Variants in USP24 observed in about 807,000 individuals in gnomAD.
The protein encoded by USP24 is ubiquitin specific peptidase 24, also known as ubiquitin carboxyl-terminal hydrolase 24.
USP24 carries 97 observed loss-of-function variants against 361.6 expected under a neutral mutation model. That is an observed-to-expected ratio of 0.27 (90% CI 0.23 to 0.32). The LOEUF (loss-of-function observed/expected upper bound fraction) is 0.32, where lower values mean the gene tolerates loss of function less well. Ranked by LOEUF, USP24 falls within the 10% of genes least tolerant of loss-of-function variation. USP24 has a pLI of 1.00. For synonymous variants in USP24, 1,098 were observed against 1,124.6 expected, an observed-to-expected ratio of 0.98 and a Z score of 0.47; for missense variants, 2,353 against 3,165.6, an observed-to-expected ratio of 0.74 and a Z score of 6.16.
chr1:55,141,811 T>C, intron 23 of USP24, 80 bp from the exon 24 acceptor site: 1 of 1,324,342 alleles, frequency 7.6e-7, no homozygotes, highest in South Asian at 1.3e-5. Flanking sequence ...GATAATTTGC[T>C]GTTGCAGAGG....
intron 38 of USP24, among the ~76,000 whole-genome samples, chr1:55,114,794 C>T (rs1471540245): frequency 3.9e-5 from 6 of 152,022 alleles, no homozygotes; most frequent in African/African-American, 1.4e-4. Context: ...AAAAACCCTA[C>T]AAGAAAACCT....
Position 55,176,463 on chromosome 1 carries a change from T to A in USP24, c.491-20A>T, listed in dbSNP as rs775475082. On this transcript the variant is annotated intron_variant, in intron 2 of 67. Transcript: ENST00000294383. Reference sequence around the variant, plus strand: ...AAAGACCTTAGTAAAATGCATGAAATAATATACTTTATTTAAGTCAGACTC... The same window carrying A: ...AAAGACCTTAGTAAAATGCATGAAAAAATATACTTTATTTAAGTCAGACTC... The A allele has an allele frequency of 5.0e-5, 78 of 1,550,510 alleles. No individual in the cohort carries two copies. Among genetic ancestry groups the A allele is most frequent in the Non-Finnish European group, 6.7e-5 (77 of 1,144,468 alleles).
chr1:55,207,355 A>G (rs1375034889), intron 1 of USP24, among the ~76,000 whole-genome samples: 1 of 152,160 alleles, frequency 6.6e-6, no homozygotes, highest in Non-Finnish European at 1.5e-5. Flanking sequence ...GCAGAAACTG[A>G]AAAGTCTTGG....
At chr1:55,196,526 A>G (rs1363988651) in intron 1 of USP24, among the ~76,000 whole-genome samples, 1 of 151,988 alleles carries the variant, frequency 6.6e-6, no homozygotes, top group Non-Finnish European at 1.5e-5. Flanking sequence ...CCCCCCCAAT[A>G]GAGTTATATT....
At chr1:55,184,621 G>A (rs1010733968) in intron 1 of USP24, among the ~76,000 whole-genome samples, 1 of 152,130 alleles carries the variant, frequency 6.6e-6, no homozygotes, top group Admixed American at 6.5e-5. Flanking sequence ...CCCAATTACA[G>A]TAAAATACAG....
chr1:55,080,612 C>T (rs1557532554), intron 59 of USP24, among the ~76,000 whole-genome samples: 1 of 152,134 alleles, frequency 6.6e-6, no homozygotes, highest in East Asian at 1.9e-4. Context: ...AAATTTAAAG[C>T]ACAGCACACA....
chr1:55,178,211 C>A, intron 1 of USP24, 79 bp from the exon 2 acceptor site: 2 of 1,443,176 alleles, frequency 1.4e-6, no homozygotes, highest in Non-Finnish European at 1.9e-6. Context: ...TAACACAGAG[C>A]AGATACTGAA....
At chr1:55,143,416 T>C (rs943216678) in intron 21 of USP24, among the ~76,000 whole-genome samples, 11 of 151,996 alleles carry the variant, frequency 7.2e-5, no homozygotes, top group East Asian at 5.8e-4. Context: ...GAAGCAGAAA[T>C]AGAGCAGGAG....
intron 10 of USP24, among the ~76,000 whole-genome samples, 175 bp downstream of exon 10, chr1:55,158,703 C>T (rs545417572): frequency 6.6e-6 from 1 of 152,298 alleles, no homozygotes; most frequent in East Asian, 1.9e-4. Flanking sequence ...GAAAGTAACA[C>T]AGAAGATGTC....
At chr1:55,201,600 C>CAAAAAAA (rs56659823) in intron 1 of USP24, among the ~76,000 whole-genome samples, 4 of 35,460 alleles carry the variant, frequency 1.1e-4, no homozygotes, top group African/African-American at 1.6e-4. Flanking sequence ...GACTCCATCT[C>CAAAAAAA]AAAAAAAAAA....
chr1:55,146,689 A>C (rs975036427), intron 19 of USP24, among the ~76,000 whole-genome samples: 1 of 152,076 alleles, frequency 6.6e-6, no homozygotes, highest in Non-Finnish European at 1.5e-5. Flanking sequence ...AATTCTTTAT[A>C]CTCATTTGGT....
intron 63 of USP24, 68 bp downstream of exon 63, chr1:55,075,389 C>A: frequency 1.4e-6 from 2 of 1,445,814 alleles, no homozygotes; most frequent in Non-Finnish European, 1.9e-6. Flanking sequence ...GGAGGCAGAA[C>A]TGGCCAGAAC....
chr1:55,145,349 C>T (rs1647000292), intron 20 of USP24, among the ~76,000 whole-genome samples: 1 of 152,190 alleles, frequency 6.6e-6, no homozygotes. Context: ...AGTACTGATA[C>T]ATGCTACAAC....
chr1:55,070,423 C>T (rs796724817), intron 67 of USP24, among the ~76,000 whole-genome samples: 17 of 152,208 alleles, frequency 1.1e-4, no homozygotes, highest in African/African-American at 3.9e-4. Context: ...AGGAAAACTA[C>T]GAGAGAGAAG....
chr1:55,069,134 T>C, intron 67 of USP24, 27 bp from the exon 68 acceptor site: 2 of 1,613,376 alleles, frequency 1.2e-6, no homozygotes, highest in African/African-American at 1.3e-5. Flanking sequence ...GAAGTTAAAG[T>C]TCATACGGTT....
chr1:55,120,665 A>G lies in USP24; in HGVS notation c.4439T>C (p.Leu1480Pro). 1 of 1,563,976 alleles carries G rather than the reference A, an allele frequency of 6.4e-7. No individual in the cohort carries two copies. The highest frequency in any genetic ancestry group is 8.7e-7 in the Non-Finnish European group (1 of 1,152,984). Residue 1480 changes from leucine (L) to proline (P), a missense_variant, in exon 38 of 68, where the codon CTA becomes CCA. By Grantham distance (98) the Leu-to-Pro change is moderately conservative (BLOSUM62 -3). This residue lies in a region of USP24 where 949 missense variants were observed against 1,280.5 expected (regional missense o/e 0.74). Coordinates refer to ENST00000294383, the MANE Select transcript of USP24 (RefSeq NM_015306.3). ...PDVQKPNQFL[L>P]GVILTAQLPL... ...CAGCTGAGCCGTGAGGATTACGCCTAGAAGAAACTGATTTGGCTTCTGCAC... is the reference window on the plus strand; with the variant it reads ...CAGCTGAGCCGTGAGGATTACGCCTGGAAGAAACTGATTTGGCTTCTGCAC...
At chr1:55,150,774 ATGT>A (rs1271221844) in intron 16 of USP24, among the ~76,000 whole-genome samples, 5 of 152,196 alleles carry the variant, frequency 3.3e-5, no homozygotes, top group Non-Finnish European at 5.9e-5. Flanking sequence ...AACAGGAAAG[ATGT>A]TGTTTATTTC....
In USP24 at chr1:55,201,184, G is replaced by T. The variant is rs146572820; in HGVS notation, c.324+13606C>A. ...TTTGAGAAGCATGAATGGGGGAAAT[G>T]TGTTCCAAAATGGTGATGCAAATAA... is the stretch of plus-strand genomic sequence containing the variant. On this transcript the variant is annotated intron_variant, in intron 1 of 67. Transcript: ENST00000294383. Among the ~76,000 whole-genome samples, 383 of 152,314 alleles carry T rather than the reference G, an allele frequency of 2.5e-3. 3 individuals carry two copies. Among genetic ancestry groups the T allele is most frequent in the South Asian group, 0.018 (88 of 4,826 alleles).
At chr1:55,075,369 G>A (rs1203718898) in intron 63 of USP24, 88 bp downstream of exon 63, 4 of 1,268,776 alleles carry the variant, frequency 3.2e-6, no homozygotes, top group African/African-American at 3.0e-5. Flanking sequence ...AGATCCCACC[G>A]AGAGTAGCAG....
Sources: gnomAD v4.1 joint callset for allele counts (sites outside exome capture counted in the v4.1 genomes callset) on GRCh38, gnomAD v4.1.1 for gene constraint, gnomAD v4.1.1 regional missense constraint, MANE v1.5 for transcripts, NCBI Gene and HGNC (gene_info 2026-07-23, HGNC 2026-07-21) for gene names.